The following ANK2 variants were observed in gnomAD, a reference collection of about 807,000 sequenced individuals.
ANK2 encodes ankyrin-2.
ANK2 carries 83 observed loss-of-function variants against 360.5 expected under a neutral mutation model. The observed-to-expected ratio is 0.23, with a 90% CI of 0.19 to 0.28. ANK2 has a LOEUF of 0.28. Among genes scored for constraint, ANK2 ranks in the 10% least tolerant of loss-of-function variants. The pLI is 1.00. For synonymous variants in ANK2, 1,740 were observed against 1,759.5 expected (o/e 0.99, Z 0.28); for missense variants, 4,201 against 4,795.7 (o/e 0.88, Z 3.66).
In ANK2 at chr4:113,353,654, G is replaced by A. The variant is rs759988022; in HGVS notation, c.5036G>A (p.Gly1679Glu). 6.2e-7 allele frequency: 1 copy of A among 1,613,944 alleles called. No individual in the cohort carries two copies. Among genetic ancestry groups the A allele is most frequent in the Admixed American group, 1.7e-5 (1 of 60,006 alleles). The change falls in exon 38 of 46, where the codon GGG (glycine) becomes GAG (glutamate). Residue 1679 changes from glycine (G) to glutamate (E), a missense_variant. Around this residue, in one of 4 missense-constraint regions of ANK2, gnomAD observed 1,268 missense variants for 1,650.8 expected, o/e 0.77. Coordinates refer to ENST00000357077, the MANE Select transcript of ANK2 (RefSeq NM_001148.6). Reference protein sequence around the residue: ...LAVGRSSEKEGKDIPPDETQS... With the variant: ...LAVGRSSEKEEKDIPPDETQS... ...GTTGGCAGGAGCTCTGAAAAGGAAG[G>A]GAAAGACATACCCCCAGATGAGACA...
rs186408497 is a variant in ANK2 at position 112,885,463 on chromosome 4, C to T, written c.-39-18992C>T. ...GCAGTGAGCCGAGATCATGCCATTG[C>T]ACTCCATCCTGGGCAACAGGGCAAG... On this transcript the variant is annotated intron_variant, in intron 1 of 30. Transcript: ENST00000503271. Among the ~76,000 whole-genome samples, 160 of 147,218 alleles carry T rather than the reference C, an allele frequency of 1.1e-3. 1 individual carries two copies. The Middle Eastern group carries it at 0.011, about 10-fold the overall frequency.
At chr4:113,274,787 A>C in intron 15 of ANK2, 138 bp downstream of exon 15, 2 of 872,882 alleles carry the variant, frequency 2.3e-6, no homozygotes, top group Non-Finnish European at 3.7e-6. Context: ...TTTAAGACTC[A>C]TTGTCTAAAT....
At chr4:112,988,639 T>C (rs909885589) in intron 2 of ANK2, among the ~76,000 whole-genome samples, 2 of 152,234 alleles carry the variant, frequency 1.3e-5, no homozygotes, top group Non-Finnish European at 2.9e-5. Context: ...ATTTGGAATA[T>C]ATCTTAGCAC....
chr4:112,859,128 G>A (rs2067206561), intron 1 of ANK2, among the ~76,000 whole-genome samples: 1 of 152,122 alleles, frequency 6.6e-6, no homozygotes, highest in Non-Finnish European at 1.5e-5. Flanking sequence ...ACATCAAAAG[G>A]AGATTAAACT....
chr4:113,030,362 C>T (rs879142775), intron 2 of ANK2, among the ~76,000 whole-genome samples: 2 of 152,042 alleles, frequency 1.3e-5, no homozygotes, highest in African/African-American at 2.4e-5. Flanking sequence ...CGTAATTTTC[C>T]GTAGCTCAAT....
chr4:113,342,979 C>A (rs1049948540), intron 33 of ANK2, 38 bp from the exon 34 acceptor site: 2 of 1,612,462 alleles, frequency 1.2e-6, no homozygotes, highest in Non-Finnish European at 1.7e-6. Context: ...AGTATAATTG[C>A]AGCTACTTTA....
intron 2 of ANK2, among the ~76,000 whole-genome samples, chr4:113,011,291 ATT>A (rs1410396031): frequency 6.6e-6 from 1 of 151,994 alleles, no homozygotes; most frequent in Non-Finnish European, 1.5e-5. Context: ...ATTAGTGATC[ATT>A]TTCTTAGGAT....
the ANK2 span, among the ~76,000 whole-genome samples, chr4:112,750,935 C>G: frequency 6.6e-6 from 1 of 152,146 alleles, no homozygotes; most frequent in African/African-American, 2.4e-5. Context: ...CTATGTCGGT[C>G]AGGCTGGCCT....
Position 113,357,754 on chromosome 4 carries a change from A to T in ANK2, c.9136A>T (p.Ser3046Cys), listed in dbSNP as rs1554567603. ...TKTDVDSDSW[S>C]EIREDDEAFE... is the part of the protein sequence containing the mutation. ...AACTGATGTGGATTCTGATTCTTGGAGTGAAATTCGGGAAGACGATGAAGC... is the reference window on the plus strand; with the variant it reads ...AACTGATGTGGATTCTGATTCTTGGTGTGAAATTCGGGAAGACGATGAAGC... The change falls in exon 38 of 46, where the codon AGT becomes TGT. Residue 3046 changes from serine (S) to cysteine (C), a missense_variant. Physicochemically the swap from Ser to Cys is moderately radical, Grantham distance 112. This residue lies in a region of ANK2 where 2,642 missense variants were observed against 2,714.5 expected (regional missense o/e 0.97). Transcript: ENST00000357077. The T allele has an allele frequency of 1.2e-6, 2 of 1,613,974 alleles. No individual in the cohort carries two copies. The highest frequency in any genetic ancestry group is 2.7e-5 in the African/African-American group (2 of 74,926).
At chr4:113,134,838 T>C (rs1295067175) in intron 1 of ANK2, among the ~76,000 whole-genome samples, 1 of 152,160 alleles carries the variant, frequency 6.6e-6, no homozygotes, top group Non-Finnish European at 1.5e-5. Context: ...AGATTAGAAC[T>C]TTGCCATGTA....
chr4:112,860,679 G>C (rs2067722938), intron 1 of ANK2, among the ~76,000 whole-genome samples: 1 of 152,112 alleles, frequency 6.6e-6, no homozygotes, highest in African/African-American at 2.4e-5. Context: ...AAAATTGGAG[G>C]CTTGCTTAGT....
chr4:112,787,326 GA>G, the ANK2 span, among the ~76,000 whole-genome samples: 2,683 of 152,158 alleles, frequency 0.018, 93 homozygotes, highest in African/African-American at 0.059. Context: ...TACTCCCCTC[GA>G]TAAACCCTCT....
rs571896168 is a variant in ANK2 at position 113,345,911 on chromosome 4, G to T, written c.4260G>T (p.Thr1420=). 1.6e-5 allele frequency: 26 copies of T among 1,613,444 alleles called. No individual in the cohort carries two copies. The South Asian group carries it at 2.9e-4, about 18-fold the overall frequency. ...RLPLFVKVRD[T]TQEPCGRLSF... ...CTTTCTTGTTCAAGGTACGCGATAC[G>T]ACTCAGGAACCTTGCGGACGACTAT... Residue 1420 remains threonine, a synonymous_variant, in exon 35 of 46, where the codon ACG becomes ACT. Transcript: ENST00000357077.
intron 2 of ANK2, among the ~76,000 whole-genome samples, chr4:112,916,020 T>A (rs967386152): frequency 1.8e-4 from 28 of 152,182 alleles, no homozygotes; most frequent in African/African-American, 6.8e-4. Flanking sequence ...AATTGTCAGA[T>A]ATTATTGATA....
chr4:112,748,281 G>A, the ANK2 span, among the ~76,000 whole-genome samples: 1 of 152,148 alleles, frequency 6.6e-6, no homozygotes, highest in Non-Finnish European at 1.5e-5. Flanking sequence ...AGTGGTTATT[G>A]TGGGTTTTAT....
intron 2 of ANK2, among the ~76,000 whole-genome samples, chr4:112,975,007 A>C (rs1284162127): frequency 6.6e-6 from 1 of 152,220 alleles, no homozygotes; most frequent in Non-Finnish European, 1.5e-5. Context: ...CAAGATAACA[A>C]AGTAAAACAT....
chr4:113,082,133 A>G (rs767926911), intron 1 of ANK2, among the ~76,000 whole-genome samples: 5 of 152,154 alleles, frequency 3.3e-5, no homozygotes, highest in Non-Finnish European at 7.3e-5. Context: ...TCTTTTAATT[A>G]GTTCTATTAA....
intron 1 of ANK2, among the ~76,000 whole-genome samples, chr4:112,894,779 G>A (rs2081246516): frequency 2.0e-5 from 3 of 152,136 alleles, no homozygotes; most frequent in African/African-American, 4.8e-5. Context: ...AGAAACAAGA[G>A]GGAAGTTTGT....
intron 2 of ANK2, among the ~76,000 whole-genome samples, chr4:112,944,039 T>C (rs1313248997): frequency 6.6e-6 from 1 of 152,136 alleles, no homozygotes; most frequent in Non-Finnish European, 1.5e-5. Flanking sequence ...TTTGCAGAAT[T>C]TTTCAGTCCA....
Sources: gnomAD v4.1 joint callset for allele counts (sites outside exome capture counted in the v4.1 genomes callset) on GRCh38, gnomAD v4.1.1 for gene constraint, gnomAD v4.1.1 regional missense constraint, MANE v1.5 for transcripts, NCBI Gene and HGNC (gene_info 2026-07-23, HGNC 2026-07-21) for gene names.